Variants in AMPD3 observed in about 807,000 individuals in gnomAD.
The protein encoded by AMPD3 is AMP deaminase 3.
A neutral mutation model predicts 82.3 loss-of-function variants in AMPD3; 57 were observed. The observed-to-expected ratio is 0.69, with a 90% CI of 0.56 to 0.86. AMPD3 has a LOEUF of 0.86. Ranked by LOEUF, AMPD3 falls within the 40% of genes least tolerant of loss-of-function variation. The pLI, the probability that AMPD3 is intolerant of heterozygous loss-of-function variation, is 0.00. For synonymous variants in AMPD3, 381 were observed against 394.7 expected, an observed-to-expected ratio of 0.97 and a Z score of 0.41; for missense variants, 870 against 1,003.8, an observed-to-expected ratio of 0.87 and a Z score of 1.80.
At chr11:10,495,386 G>A (rs578042034) in intron 8 of AMPD3, 184 bp from the exon 9 acceptor site, 99 of 985,104 alleles carry the variant, frequency 1.0e-4, no homozygotes, top group Admixed American at 9.8e-4. Flanking sequence ...CCTCACCAGA[G>A]GGGGCCTCTC....
intron 10 of AMPD3, 24 bp from the exon 11 acceptor site, chr11:10,500,062 G>T (rs1198574642): frequency 5.0e-6 from 8 of 1,613,988 alleles, no homozygotes; most frequent in Non-Finnish European, 6.8e-6. Flanking sequence ...CCTTGGCCTG[G>T]TGCTCAGGAC....
intron 13 of AMPD3, among the ~76,000 whole-genome samples, chr11:10,503,152 C>T (rs1849625255): frequency 6.6e-6 from 1 of 152,152 alleles, no homozygotes; most frequent in Non-Finnish European, 1.5e-5. Context: ...CATTTATGAG[C>T]TCTGTGACCT....
chr11:10,485,047 A>G lies in AMPD3; in HGVS notation c.809+8A>G. On this transcript the variant is annotated splice_region_variant and intron_variant, in intron 5 of 14. Transcript: ENST00000396553. Reference sequence around the variant, plus strand: ...CATCACCGATGGCCCCACGTAAGCTAGCTTCTCCGCGGCTGCCTGTCTTTG... The same window carrying G: ...CATCACCGATGGCCCCACGTAAGCTGGCTTCTCCGCGGCTGCCTGTCTTTG... 2 of 1,611,368 alleles carry G rather than the reference A, an allele frequency of 1.2e-6. No individual in the cohort carries two copies. The highest frequency in any genetic ancestry group is 1.7e-6 in the Non-Finnish European group (2 of 1,179,072).
chr11:10,484,019 A>G (rs1848992005), intron 4 of AMPD3, among the ~76,000 whole-genome samples: 1 of 152,266 alleles, frequency 6.6e-6, no homozygotes. Context: ...TGAGAATAAT[A>G]AGAATAATAT....
At chr11:10,453,572 C>T (rs542446052), upstream of AMPD3, among the ~76,000 whole-genome samples, 1 of 151,778 alleles carries the variant, frequency 6.6e-6, no homozygotes, top group Non-Finnish European at 1.5e-5. Flanking sequence ...AGAGTGATAT[C>T]TTTCTTTTTC....
intron 6 of AMPD3, among the ~76,000 whole-genome samples, chr11:10,492,557 G>A (rs1161120450): frequency 6.6e-6 from 1 of 152,182 alleles, no homozygotes; most frequent in Non-Finnish European, 1.5e-5. Flanking sequence ...CACTAAAACT[G>A]TGAGAACCTG....
rs952638123 is a variant in AMPD3, at chr11:10,473,309, T to C, written c.222-5217T>C. 18 of 841,754 alleles carry C rather than the reference T, an allele frequency of 2.1e-5. No individual in the cohort carries two copies. In the African/African-American group the frequency reaches 3.1e-4, roughly 15 times the overall value. The allele number at this position is 841,754 out of a possible 1,614,324, so 52.1% of individuals were successfully genotyped here. A position where few individuals can be genotyped will look rare whatever the true frequency, so the allele number is the denominator to read the frequency against. Reference sequence around the variant, plus strand: ...ATAAAAATAAAGTTAGGGAGAGAGATTGTAACACTTAAGTTAACAGATAGT... The same window carrying C: ...ATAAAAATAAAGTTAGGGAGAGAGACTGTAACACTTAAGTTAACAGATAGT... On this transcript the variant is annotated intron_variant, in intron 2 of 14. Coordinates refer to ENST00000396553, the MANE Select transcript of AMPD3 (RefSeq NM_001025389.2).
At chr11:10,466,387 A>G (rs926325142) in intron 2 of AMPD3, among the ~76,000 whole-genome samples, 1 of 152,146 alleles carries the variant, frequency 6.6e-6, no homozygotes. Context: ...AGGCTTGAGT[A>G]GGAGGTTTTA....
In AMPD3 at chr11:10,505,750, C is replaced by G; in HGVS notation, c.2170C>G (p.Pro724Ala). ...GGGACAAAATTATTATAAAGAAGGA[C>G]CTGAAGGAAATGATATTCGAAAGAC... ...FLGQNYYKEG[P>A]EGNDIRKTNV... Residue 724 changes from proline to alanine, a missense_variant, in exon 15 of 15, where the codon CCT becomes GCT. Transcript: ENST00000396553. 1.2e-6 allele frequency: 2 copies of G among 1,614,066 alleles called. No homozygotes were observed. The highest frequency in any genetic ancestry group is 1.7e-6 in the Non-Finnish European group (2 of 1,180,036).
chr11:10,494,938 A>G lies in AMPD3; in HGVS notation c.1174A>G (p.Lys392Glu), dbSNP rs776155457. The G allele has an allele frequency of 6.2e-7, 1 of 1,614,238 alleles. No individual in the cohort carries two copies. Among genetic ancestry groups the G allele is most frequent in the South Asian group, 1.1e-5 (1 of 91,084 alleles). The change falls in exon 8 of 15, where the codon AAA becomes GAA. Residue 392 changes from lysine (K) to glutamate (E), a missense_variant. Transcript: ENST00000396553. ...TFHRFDKFNS[K>E]YNPVGASELR... ...CCACCGCTTTGACAAGTTCAACTCC[A>G]AATACAACCCTGTGGGGGCCAGTGA...
At chr11:10,480,068 C>T (rs545427103) in intron 3 of AMPD3, among the ~76,000 whole-genome samples, 55 of 152,372 alleles carry the variant, frequency 3.6e-4, no homozygotes, top group African/African-American at 1.0e-3. Context: ...TTCTTTCTCC[C>T]AGTCTCCTGG....
At chr11:10,455,474 G>C in intron 1 of AMPD3, 26 bp downstream of exon 1, 1 of 964,702 alleles carries the variant, frequency 1.0e-6, no homozygotes, top group Non-Finnish European at 1.2e-6. Context: ...TTTGGGGTGG[G>C]CTCCGGTGGG....
chr11:10,454,080 C>G (rs1848026986), upstream of AMPD3, among the ~76,000 whole-genome samples: 1 of 152,148 alleles, frequency 6.6e-6, no homozygotes, highest in South Asian at 2.1e-4. Context: ...GATCAGTGCT[C>G]TTCAGTCCAC....
chr11:10,505,040 C>A, intron 14 of AMPD3: 1 of 853,872 alleles, frequency 1.2e-6, no homozygotes, highest in Non-Finnish European at 1.4e-6. Context: ...GAATTATATC[C>A]CCGGGCCCTA....
intron 4 of AMPD3, 58 bp downstream of exon 4, chr11:10,482,283 G>A (rs1848933672): frequency 6.3e-7 from 1 of 1,586,414 alleles, no homozygotes; most frequent in African/African-American, 1.3e-5. Context: ...GAGCTAGTCA[G>A]GGCTTTTTTC....
chr11:10,464,203 GACAGGGA>G (rs1209810500), intron 2 of AMPD3, among the ~76,000 whole-genome samples: 2 of 152,194 alleles, frequency 1.3e-5, no homozygotes, highest in Non-Finnish European at 1.5e-5. Context: ...CTGCTGCTGA[GACAGGGA>G]ACAATAGCAG....
At chr11:10,475,872 A>G (rs1441857334) in intron 2 of AMPD3, among the ~76,000 whole-genome samples, 2 of 152,184 alleles carry the variant, frequency 1.3e-5, no homozygotes, top group Non-Finnish European at 2.9e-5. Context: ...CCTTGTGGGC[A>G]CTAGACCTGA....
At chr11:10,457,759 G>A (rs528161746) in intron 1 of AMPD3, among the ~76,000 whole-genome samples, 2 of 152,242 alleles carry the variant, frequency 1.3e-5, no homozygotes, top group African/African-American at 4.8e-5. Flanking sequence ...GCCAGGCATA[G>A]TGGTGTGTGC....
chr11:10,479,173 T>C (rs1186271108), intron 3 of AMPD3, among the ~76,000 whole-genome samples: 1 of 152,210 alleles, frequency 6.6e-6, no homozygotes. Context: ...CCCTTAAATA[T>C]AGGCTAGATC....
Sources: allele counts gnomAD v4.1 joint callset (sites outside exome capture counted in the v4.1 genomes callset), GRCh38; gene constraint gnomAD v4.1.1; transcripts MANE v1.5; gene names NCBI Gene and HGNC (gene_info 2026-07-23, HGNC 2026-07-21).